Variants in KAZN observed in about 807,000 individuals in gnomAD.
KAZN encodes the protein kazrin, periplakin interacting protein.
KAZN carries 40 observed loss-of-function variants against 87.4 expected under a neutral mutation model. The ratio of observed to expected loss-of-function variants is 0.46; its 90% CI spans 0.36 to 0.60. The LOEUF (loss-of-function observed/expected upper bound fraction) is 0.60, where lower values mean the gene tolerates loss of function less well. KAZN is among the 20% of genes least tolerant of loss of function. The pLI is 0.00. For missense variants in KAZN, 898 were observed against 1,073.9 expected (o/e 0.84, Z 2.29); for synonymous variants, 466 against 458.3 (o/e 1.02, Z -0.22).
chr1:14,035,045 G>T (rs1251973537), intron 1 of KAZN, among the ~76,000 whole-genome samples: 3 of 152,234 alleles, frequency 2.0e-5, no homozygotes, highest in African/African-American at 7.2e-5. Flanking sequence ...TCCTCAGTTT[G>T]GCATTCCCTT....
At chr1:14,520,820 C>G (rs1671546497) in intron 2 of KAZN, among the ~76,000 whole-genome samples, 2 of 152,188 alleles carry the variant, frequency 1.3e-5, no homozygotes, top group African/African-American at 4.8e-5. Context: ...ACATCTGATT[C>G]ACCGGACTCA....
At chr1:14,675,151 A>G (rs116515967) in intron 1 of KAZN, among the ~76,000 whole-genome samples, 7 of 152,246 alleles carry the variant, frequency 4.6e-5, no homozygotes, top group African/African-American at 1.2e-4. Flanking sequence ...TATTCCTCCT[A>G]CCAAGGATGT....
intron 2 of KAZN, among the ~76,000 whole-genome samples, chr1:14,190,176 A>T (rs533685398): frequency 1.3e-5 from 2 of 152,162 alleles, no homozygotes; most frequent in African/African-American, 4.8e-5. Context: ...CAACAGGTGC[A>T]TGGTTAATTT....
chr1:14,999,699 T>A (rs942110529), intron 2 of KAZN, among the ~76,000 whole-genome samples: 4 of 152,252 alleles, frequency 2.6e-5, no homozygotes, highest in Non-Finnish European at 4.4e-5. Context: ...CTGGGTGGAA[T>A]TTTTAGAACT....
intron 1 of KAZN, among the ~76,000 whole-genome samples, chr1:14,788,242 C>G (rs777063236): frequency 8.1e-4 from 124 of 152,320 alleles, no homozygotes; most frequent in Middle Eastern, 3.4e-3. Context: ...TAGGCGAGTA[C>G]TGGCTCTCGG....
chr1:14,771,871 T>C (rs571820348), intron 1 of KAZN, among the ~76,000 whole-genome samples: 17 of 152,154 alleles, frequency 1.1e-4, no homozygotes, highest in Non-Finnish European at 2.4e-4. Context: ...GGGGTAGAAA[T>C]ACTGCCCCAA....
At chr1:14,551,026 C>G (rs1673484394) in intron 2 of KAZN, among the ~76,000 whole-genome samples, 1 of 152,002 alleles carries the variant, frequency 6.6e-6, no homozygotes, top group Admixed American at 6.6e-5. Flanking sequence ...ATTACTTTAT[C>G]CAGCAAATGG....
intron 1 of KAZN, among the ~76,000 whole-genome samples, chr1:14,922,666 C>T (rs1658657013): frequency 6.6e-6 from 1 of 151,938 alleles, no homozygotes; most frequent in Non-Finnish European, 1.5e-5. Flanking sequence ...GTGGCGGGCA[C>T]CTGTAATCCC....
intron 1 of KAZN, among the ~76,000 whole-genome samples, chr1:14,833,969 TCACACACACACACACACACA>T (rs56000715): frequency 2.1e-5 from 3 of 141,962 alleles, no homozygotes; most frequent in South Asian, 2.3e-4. Flanking sequence ...CCCAAGTCAT[TCACACACACACACACACACA>T]CACACACACA....
At chr1:14,077,906 C>A (rs1643523525) in intron 1 of KAZN, among the ~76,000 whole-genome samples, 1 of 152,076 alleles carries the variant, frequency 6.6e-6, no homozygotes, top group African/African-American at 2.4e-5. Flanking sequence ...CCAAGAGTTG[C>A]CGGCAGCCGC....
Position 15,117,748 on chromosome 1 carries a change from A to G in KAZN, c.*3113A>G, listed in dbSNP as rs1641891383. The G allele has an allele frequency of 6.6e-6, 1 of 152,446 alleles. No homozygotes were observed. The highest frequency in any genetic ancestry group is 2.4e-5 in the African/African-American group (1 of 41,460). 9.4% of individuals were successfully genotyped at this position (152,446 alleles called of 1,614,324 possible). A position where few individuals can be genotyped will look rare whatever the true frequency, so the allele number is the denominator to read the frequency against. ...CACCTCCCTCTTCCCATCAGAGCCC[A>G]TGCGTCCTGGGCACCACCACTTCCA... On this transcript the variant is annotated 3_prime_UTR_variant, in exon 15 of 15. Transcript: ENST00000376030.
At chr1:14,038,450 C>T (rs146212982) in intron 1 of KAZN, among the ~76,000 whole-genome samples, 12 of 152,262 alleles carry the variant, frequency 7.9e-5, no homozygotes, top group African/African-American at 2.6e-4. Context: ...AAGGACAGCA[C>T]CTGGGACAGG....
intron 7 of KAZN, among the ~76,000 whole-genome samples, chr1:15,065,112 A>G (rs1401777045): frequency 2.9e-5 from 4 of 136,102 alleles, no homozygotes; most frequent in Non-Finnish European, 6.0e-5. Flanking sequence ...GCTCACCACA[A>G]CCTCCTCCTG....
At chr1:14,941,163 A>C (rs1572880887) in intron 1 of KAZN, among the ~76,000 whole-genome samples, 1 of 151,322 alleles carries the variant, frequency 6.6e-6, no homozygotes, top group African/African-American at 2.4e-5. Flanking sequence ...CAGGTGATCT[A>C]CCTGCCTCGG....
chr1:15,090,935 G>A (rs1262388623), intron 8 of KAZN, among the ~76,000 whole-genome samples: 1 of 152,206 alleles, frequency 6.6e-6, no homozygotes, highest in Non-Finnish European at 1.5e-5. Flanking sequence ...GGTGGATACA[G>A]TCCTTTTCAA....
chr1:14,102,915 T>TC (rs933191829), intron 1 of KAZN, among the ~76,000 whole-genome samples: 16 of 135,464 alleles, frequency 1.2e-4, no homozygotes, highest in African/African-American at 4.3e-4. Context: ...AATCTCTCTC[T>TC]TTTTTTTTTT....
chr1:13,989,635 G>A (rs1323363165), intron 1 of KAZN, among the ~76,000 whole-genome samples: 2 of 152,138 alleles, frequency 1.3e-5, no homozygotes, highest in South Asian at 2.1e-4. Context: ...ATTCTAGGTG[G>A]TGGGGATAAA....
At chr1:14,750,086 G>C (rs1252661090) in intron 1 of KAZN, among the ~76,000 whole-genome samples, 2 of 152,186 alleles carry the variant, frequency 1.3e-5, no homozygotes, top group Non-Finnish European at 2.9e-5. Context: ...TCTTGGTTTT[G>C]ATACTGTGGT....
chr1:14,689,193 T>TCAAAACAAAACAAAA (rs3081470), intron 1 of KAZN, among the ~76,000 whole-genome samples: 66 of 147,878 alleles, frequency 4.5e-4, no homozygotes, highest in Middle Eastern at 3.5e-3. Flanking sequence ...AGACTCTGTC[T>TCAAAACAAAACAAAA]CAAAACAAAA....
Sources: allele counts gnomAD v4.1 joint callset (sites outside exome capture counted in the v4.1 genomes callset), GRCh38; gene constraint gnomAD v4.1.1; transcripts MANE v1.5; gene names NCBI Gene and HGNC (gene_info 2026-07-23, HGNC 2026-07-21).